Variants in LPGAT1 observed in about 807,000 individuals in gnomAD.
LPGAT1 encodes the protein acyl-CoA:lysophosphatidylglycerol acyltransferase 1.
In LPGAT1, 11 loss-of-function variants were observed where a neutral mutation model predicts 47.5. That is an observed-to-expected ratio of 0.23 (90% CI 0.15 to 0.38). The LOEUF is 0.38. LPGAT1 is among the 10% of genes least tolerant of loss of function. The pLI, the probability that LPGAT1 is intolerant of heterozygous loss-of-function variation, is 1.00. For missense variants in LPGAT1, 293 were observed against 439.0 expected (o/e 0.67, Z 2.97); for synonymous variants, 138 against 144.2 (o/e 0.96, Z 0.31).
At chr1:211,829,599 G>A in intron 1 of LPGAT1, 4 of 1,226,350 alleles carry the variant, frequency 3.3e-6, no homozygotes, top group East Asian at 4.2e-5. Flanking sequence ...GTAATCGGTG[G>A]CCGTCCCCGC....
intron 4 of LPGAT1, among the ~76,000 whole-genome samples, chr1:211,784,979 G>GT (rs1376925422): frequency 6.6e-6 from 1 of 151,524 alleles, no homozygotes; most frequent in African/African-American, 2.4e-5. Flanking sequence ...AATTTTTTTT[G>GT]TTTTTAGTAG....
intron 2 of LPGAT1, among the ~76,000 whole-genome samples, chr1:211,810,712 G>A (rs1309383618): frequency 1.3e-5 from 2 of 151,820 alleles, no homozygotes; most frequent in African/African-American, 2.4e-5. Flanking sequence ...AAATATGTAC[G>A]TACCACAGAA....
chr1:211,801,134 T>A (rs1295621577), intron 2 of LPGAT1, among the ~76,000 whole-genome samples: 1 of 152,158 alleles, frequency 6.6e-6, no homozygotes, highest in African/African-American at 2.4e-5. Context: ...AAAGCAGATG[T>A]GTGAAGGGCT....
intron 2 of LPGAT1, among the ~76,000 whole-genome samples, chr1:211,823,350 A>G (rs1240487525): frequency 6.6e-6 from 1 of 152,220 alleles, no homozygotes; most frequent in Admixed American, 6.5e-5. Context: ...ACAAATATAC[A>G]TATTCCATCT....
chr1:211,796,709 CTTTCT>C (rs964685355), intron 2 of LPGAT1, among the ~76,000 whole-genome samples: 1 of 152,128 alleles, frequency 6.6e-6, no homozygotes, highest in Admixed American at 6.5e-5. Context: ...AAATTATAGT[CTTTCT>C]TTTCTTATCA....
In LPGAT1 at chr1:211,749,245, A is replaced by C. The variant is rs1178615726; in HGVS notation, c.*654T>G. On this transcript the variant is annotated 3_prime_UTR_variant, in exon 8 of 8. Transcript: ENST00000366997. ...GAGAAGTCAGATAAGGAAAAGCACG[A>C]GTGTATGTAAACACAGTGTTGGACT... 1 of 152,714 alleles carries C rather than the reference A, an allele frequency of 6.5e-6. No homozygotes were observed. Among genetic ancestry groups the C allele is most frequent in the African/African-American group, 2.4e-5 (1 of 41,474 alleles). The allele number at this position is 152,714 out of a possible 1,614,324, so 9.5% of individuals were successfully genotyped here.
intron 6 of LPGAT1, among the ~76,000 whole-genome samples, chr1:211,772,699 A>G (rs868650861): frequency 2.4e-4 from 36 of 152,238 alleles, no homozygotes; most frequent in Middle Eastern, 3.2e-3. Context: ...CGTAGAGGAA[A>G]TAACATTGAC....
chr1:211,808,726 C>T (rs1659854245), intron 2 of LPGAT1, among the ~76,000 whole-genome samples: 2 of 152,170 alleles, frequency 1.3e-5, no homozygotes, highest in Non-Finnish European at 2.9e-5. Context: ...TGGATATTTA[C>T]CCTGGAGCAG....
chr1:211,823,071 T>C (rs1050418975), intron 2 of LPGAT1, among the ~76,000 whole-genome samples: 8 of 152,152 alleles, frequency 5.3e-5, no homozygotes, highest in Non-Finnish European at 1.0e-4. Flanking sequence ...AAAGGGCATA[T>C]GGGTAGTAAA....
At chr1:211,779,879 A>T (rs1157681959) in intron 5 of LPGAT1, among the ~76,000 whole-genome samples, 1 of 145,170 alleles carries the variant, frequency 6.9e-6, no homozygotes, top group Non-Finnish European at 1.5e-5. Context: ...TAAATAAATA[A>T]ATAAACATAA....
At chr1:211,777,444 T>C (rs902745374) in intron 6 of LPGAT1, among the ~76,000 whole-genome samples, 3 of 152,130 alleles carry the variant, frequency 2.0e-5, no homozygotes, top group South Asian at 2.1e-4. Flanking sequence ...CATGGAAACA[T>C]AGTAAGGCTA....
Position 211,811,728 on chromosome 1 carries a change from C to A in LPGAT1, c.238+17331G>T, listed in dbSNP as rs1659995790. Among the ~76,000 whole-genome samples the A allele has an allele frequency of 1.3e-5, 2 of 151,814 alleles. 1 individual carries two copies. ...GCCAAGATCCTGCCACCCGCCACTG[C>A]ACTCCAGCCTGGGCGACAGAGTGAG... On this transcript the variant is annotated intron_variant, in intron 2 of 7. Transcript: ENST00000366997.
Position 211,744,892 on chromosome 1 carries a change from C to T in LPGAT1, c.*5007G>A, listed in dbSNP as rs1656883717. The stretch of plus-strand genomic sequence containing the variant: ...TTCAGCATCCAACTGCCACAGTGTG[C>T]TTTAAGTACTTGCCTGCAGATATTA... On this transcript the variant is annotated 3_prime_UTR_variant, in exon 8 of 8. Transcript: ENST00000366997. The T allele has an allele frequency of 6.6e-6, 1 of 152,574 alleles. No homozygotes were observed. 9.5% of individuals were successfully genotyped at this position (152,574 alleles called of 1,614,324 possible). A position where few individuals can be genotyped will look rare whatever the true frequency, so the allele number is the denominator to read the frequency against.
chr1:211,784,502 A>G (rs1049480968), intron 4 of LPGAT1, among the ~76,000 whole-genome samples: 3 of 151,542 alleles, frequency 2.0e-5, no homozygotes, highest in African/African-American at 7.3e-5. Context: ...AAAAAAAAAA[A>G]AAAAAGAAAA....
intron 6 of LPGAT1, among the ~76,000 whole-genome samples, chr1:211,765,965 A>T (rs1171695359): frequency 6.6e-6 from 1 of 152,126 alleles, no homozygotes; most frequent in Non-Finnish European, 1.5e-5. Flanking sequence ...CATTTAATCC[A>T]TTGAGGGCCC....
chr1:211,752,970 A>G (rs114894070), intron 6 of LPGAT1, among the ~76,000 whole-genome samples: 12 of 152,350 alleles, frequency 7.9e-5, no homozygotes, highest in Admixed American at 6.5e-5. Context: ...ATGTATAAAT[A>G]ATACACAGTA....
intron 6 of LPGAT1, among the ~76,000 whole-genome samples, chr1:211,776,427 C>T (rs1658402566): frequency 6.6e-6 from 1 of 152,052 alleles, no homozygotes; most frequent in Admixed American, 6.5e-5. Context: ...ATCCCAGCTA[C>T]TCGGGAGGCT....
intron 2 of LPGAT1, among the ~76,000 whole-genome samples, chr1:211,800,458 C>G (rs1659530017): frequency 6.6e-6 from 1 of 152,258 alleles, no homozygotes; most frequent in South Asian, 2.1e-4. Flanking sequence ...TTTCAAATAT[C>G]ATTAAAATCA....
chr1:211,823,067 C>G (rs972234760), intron 2 of LPGAT1, among the ~76,000 whole-genome samples: 6 of 152,110 alleles, frequency 3.9e-5, no homozygotes, highest in Admixed American at 1.3e-4. Flanking sequence ...AGCAAAAGGG[C>G]ATATGGGTAG....
Sources: gnomAD v4.1 joint callset for allele counts (sites outside exome capture counted in the v4.1 genomes callset) on GRCh38, gnomAD v4.1.1 for gene constraint, MANE v1.5 for transcripts, NCBI Gene and HGNC (gene_info 2026-07-23, HGNC 2026-07-21) for gene names.